Variants in SBNO1 observed in about 807,000 individuals in gnomAD.
SBNO1 encodes strawberry notch homolog 1, also known as protein strawberry notch homolog 1.
A neutral mutation model predicts 173.6 loss-of-function variants in SBNO1; 23 were observed. The ratio of observed to expected loss-of-function variants is 0.13; its 90% CI spans 0.10 to 0.19. SBNO1 has a LOEUF of 0.19. Ranked by LOEUF, SBNO1 falls within the 10% of genes least tolerant of loss-of-function variation. The probability of loss-of-function intolerance (pLI) is 1.00; values close to 1 mark genes in which losing one functional copy is unlikely to be tolerated. For synonymous variants in SBNO1, 632 were observed against 571.5 expected, an observed-to-expected ratio of 1.11 and a Z score of -1.51; for missense variants, 1,238 against 1,671.2, an observed-to-expected ratio of 0.74 and a Z score of 4.52.
intron 4 of SBNO1, among the ~76,000 whole-genome samples, chr12:123,344,466 C>T (rs1029298252): frequency 2.6e-5 from 4 of 152,170 alleles, no homozygotes; most frequent in African/African-American, 9.7e-5. Flanking sequence ...ATTTTAATGA[C>T]ATCTGTCACT....
In SBNO1 at chr12:123,317,264, A is replaced by C. The variant is rs1423058463; in HGVS notation, c.2892T>G (p.Thr964=). 1.2e-6 allele frequency: 2 copies of C among 1,614,174 alleles called. No individual in the cohort carries two copies. The highest frequency in any genetic ancestry group is 2.2e-5 in the South Asian group (2 of 91,086). The change falls in exon 21 of 32, where the codon ACT becomes ACG. Residue 964 remains threonine (T), a synonymous_variant. Transcript: ENST00000602398. ...TATCAGCGCTCCAAGGTAATTCTAAAGTCATATGAACTCTTCGCCTTTGAT... is the reference window on the plus strand; with the variant it reads ...TATCAGCGCTCCAAGGTAATTCTAACGTCATATGAACTCTTCGCCTTTGAT... ...AKNQRRRVHM[T]LELPWSADRA... is the part of the protein sequence containing the mutation.
intron 21 of SBNO1, 70 bp from the exon 22 acceptor site, chr12:123,315,730 C>T: frequency 1.2e-6 from 1 of 856,128 alleles, no homozygotes; most frequent in South Asian, 1.4e-5. Context: ...GAGATGTATT[C>T]CTAGCATTTA....
In SBNO1 at chr12:123,290,272, C is replaced by A; in HGVS notation, c.*5636G>T. The A allele has an allele frequency of 6.6e-6, 1 of 152,360 alleles. No individual in the cohort carries two copies. 9.4% of individuals were successfully genotyped at this position (152,360 alleles called of 1,614,324 possible). ...GCCCCAATTCACGACAAATTTAGTT[C>A]CCAAGACTGATCCAAATACAGAATG... On this transcript the variant is annotated 3_prime_UTR_variant, in exon 32 of 32. Transcript: ENST00000602398.
chr12:123,296,014 A>G lies in SBNO1; in HGVS notation c.4076T>C (p.Val1359Ala). 1 of 1,613,924 alleles carries G rather than the reference A, an allele frequency of 6.2e-7. No individual in the cohort carries two copies. The highest frequency in any genetic ancestry group is 1.1e-5 in the South Asian group (1 of 91,070). The change falls in exon 32 of 32, where the codon GTA (valine) becomes GCA (alanine). Residue 1359 changes from valine (V) to alanine (A), a missense_variant. Coordinates refer to ENST00000602398, the MANE Select transcript of SBNO1 (RefSeq NM_001167856.3). ...IIPANCVSPL[V>A]NLLSTSDQSQ... is the part of the protein sequence containing the mutation. ...CTGGTCTGAAGTTGATAGGAGATTT[A>G]CAAGAGGAGACACACAATTTGCCGG...
intron 13 of SBNO1, among the ~76,000 whole-genome samples, chr12:123,326,694 G>C (rs1870643587): frequency 1.3e-5 from 2 of 152,212 alleles, no homozygotes; most frequent in African/African-American, 4.8e-5. Flanking sequence ...GGGAGGCTGA[G>C]GCAGGTGGAT....
At chr12:123,355,664 T>C (rs1361654076) in intron 1 of SBNO1, among the ~76,000 whole-genome samples, 1 of 151,912 alleles carries the variant, frequency 6.6e-6, no homozygotes, top group Non-Finnish European at 1.5e-5. Flanking sequence ...GCACCTGTGG[T>C]CCCAGCTACT....
At chr12:123,351,850 G>A (rs1003848480) in intron 1 of SBNO1, among the ~76,000 whole-genome samples, 9 of 152,228 alleles carry the variant, frequency 5.9e-5, no homozygotes, top group South Asian at 2.1e-4. Context: ...GAATGGAAGC[G>A]AGAATATGAA....
Position 123,344,941 on chromosome 12 carries a change from G to T in SBNO1, c.550+317C>A, listed in dbSNP as rs139897168. 1.7e-3 allele frequency among the ~76,000 whole-genome samples: 260 copies of T among 152,264 alleles called. 1 individual carries two copies. The highest frequency in any genetic ancestry group is 5.7e-3 in the African/African-American group (236 of 41,550). On this transcript the variant is annotated intron_variant, in intron 4 of 31. Coordinates refer to ENST00000602398, the MANE Select transcript of SBNO1 (RefSeq NM_001167856.3). ...TCCACAGATGAGTCACAAGTAAACA[G>T]CTATTTGTAAAGGATTTGTAAAGGA...
intron 17 of SBNO1, 113 bp from the exon 18 acceptor site, chr12:123,320,979 GC>G: frequency 1.1e-6 from 1 of 884,240 alleles, no homozygotes; most frequent in South Asian, 1.9e-5. Flanking sequence ...CGCTGTTGTA[GC>G]CCAGGCTGGA....
chr12:123,322,353 G>A (rs1264322473), intron 16 of SBNO1, among the ~76,000 whole-genome samples: 2 of 151,986 alleles, frequency 1.3e-5, no homozygotes, highest in Non-Finnish European at 2.9e-5. Flanking sequence ...AAAGTGCAGT[G>A]GCATAATCTT....
At chr12:123,311,726 A>ATC (rs1566027760) in intron 24 of SBNO1, among the ~76,000 whole-genome samples, 1 of 109,640 alleles carries the variant, frequency 9.1e-6, no homozygotes, top group Non-Finnish European at 2.0e-5. Context: ...CTATCTATAT[A>ATC]TATATATATA....
chr12:123,310,945 C>T (rs1023009566), intron 25 of SBNO1, 110 bp downstream of exon 25: 2 of 824,930 alleles, frequency 2.4e-6, no homozygotes, highest in African/African-American at 3.4e-5. Context: ...CAAAACCACC[C>T]AGAATGTTTT....
chr12:123,319,814 A>G (rs1869745011), intron 20 of SBNO1, 86 bp downstream of exon 20: 2 of 1,181,154 alleles, frequency 1.7e-6, no homozygotes, highest in Non-Finnish European at 2.4e-6. Context: ...CATGACTTAT[A>G]TTAAAAGGAA....
Position 123,320,751 on chromosome 12 carries a change from T to C in SBNO1, c.2439A>G (p.Arg813=), listed in dbSNP as rs1869862308. Residue 813 remains arginine (R), a synonymous_variant, in exon 18 of 32, where the codon CGA becomes CGG. Transcript: ENST00000602398. ...ALLASGLGSK[R]PSFSSTPVIS... is the part of the protein sequence containing the mutation. Reference sequence around the variant, plus strand: ...TAACTGGTGTAGATGAAAAACTAGGTCGTTTTGATCCAAGACCTGATGCTA... The same window carrying C: ...TAACTGGTGTAGATGAAAAACTAGGCCGTTTTGATCCAAGACCTGATGCTA... The C allele has an allele frequency of 6.2e-7, 1 of 1,612,090 alleles. No individual in the cohort carries two copies. Among genetic ancestry groups the C allele is most frequent in the South Asian group, 1.1e-5 (1 of 90,588 alleles).
chr12:123,360,521 T>G (rs932945400), intron 1 of SBNO1, among the ~76,000 whole-genome samples: 2 of 151,956 alleles, frequency 1.3e-5, no homozygotes, highest in Admixed American at 1.3e-4. Context: ...CTCGGCTCAC[T>G]GCAACCTCTG....
intron 4 of SBNO1, 99 bp downstream of exon 4, chr12:123,345,159 T>A (rs936343380): frequency 2.0e-6 from 2 of 1,025,532 alleles, no homozygotes. Flanking sequence ...AACACCCTTT[T>A]ATGGCCAGTT....
chr12:123,311,428 G>A (rs549289761), intron 24 of SBNO1, among the ~76,000 whole-genome samples: 3 of 152,014 alleles, frequency 2.0e-5, no homozygotes, highest in East Asian at 1.9e-4. Flanking sequence ...AGGCTGGAGC[G>A]CAGTGCGCGA....
intron 9 of SBNO1, 50 bp from the exon 10 acceptor site, chr12:123,328,945 GCAACATTCATCCCAACT>G: frequency 1.8e-6 from 2 of 1,132,088 alleles, no homozygotes; most frequent in Non-Finnish European, 2.5e-6. Flanking sequence ...CTTTCTCTCT[GCAACATTCATCCCAACT>G]AAACATTCAC....
At chr12:123,312,431 T>A (rs1047242077) in intron 24 of SBNO1, among the ~76,000 whole-genome samples, 2 of 152,048 alleles carry the variant, frequency 1.3e-5, no homozygotes, top group African/African-American at 4.8e-5. Flanking sequence ...GCTAACTCCA[T>A]CTGGGTGCCT....
Sources: gnomAD v4.1 joint callset for allele counts (sites outside exome capture counted in the v4.1 genomes callset) on GRCh38, gnomAD v4.1.1 for gene constraint, MANE v1.5 for transcripts, NCBI Gene and HGNC (gene_info 2026-07-23, HGNC 2026-07-21) for gene names.